Variants in KCNQ1 observed in about 807,000 individuals in gnomAD.
The protein encoded by KCNQ1 is potassium voltage-gated channel subfamily KQT member 1.
In KCNQ1, 49 loss-of-function variants were observed where a neutral mutation model predicts 72.4. That is an observed-to-expected ratio of 0.68 (90% CI 0.54 to 0.86). The LOEUF is 0.86. Among genes scored for constraint, KCNQ1 ranks in the 40% least tolerant of loss-of-function variants. The pLI is 0.00. For missense variants in KCNQ1, 790 were observed against 945.1 expected (o/e 0.84, Z 2.15); for synonymous variants, 450 against 412.6 (o/e 1.09, Z -1.10).
At chr11:2,771,556 T>G (rs1357098633) in intron 12 of KCNQ1, 2 of 152,258 alleles carry the variant, frequency 1.3e-5, no homozygotes, top group Admixed American at 1.3e-4. Context: ...TGAGGAAGGC[T>G]GGCATCTTTC....
intron 1 of KCNQ1, among the ~76,000 whole-genome samples, chr11:2,521,945 G>A (rs1205032459): frequency 1.3e-5 from 2 of 152,234 alleles, no homozygotes; most frequent in East Asian, 1.9e-4. Context: ...CTGAGCCGTG[G>A]AGCCCACCCA....
Position 2,661,086 on chromosome 11 carries a change from C to T in KCNQ1, c.1394-875C>T, listed in dbSNP as rs2133854741. 1 of 398,272 alleles carries T rather than the reference C, an allele frequency of 2.5e-6. No homozygotes were observed. Among genetic ancestry groups the T allele is most frequent in the East Asian group, 3.6e-5 (1 of 28,076 alleles). The allele number at this position is 398,272 out of a possible 1,614,324, so 24.7% of individuals were successfully genotyped here. A position where few individuals can be genotyped will look rare whatever the true frequency, so the allele number is the denominator to read the frequency against. Reference sequence around the variant, plus strand: ...CAGAGTCACAGTGACATCCCATGTGCATAAAAGCAACTCCCACCTGGCATC... The same window carrying T: ...CAGAGTCACAGTGACATCCCATGTGTATAAAAGCAACTCCCACCTGGCATC... On this transcript the variant is annotated intron_variant, in intron 10 of 15. Transcript: ENST00000155840. The surrounding 1 kb of genome is among the most constrained non-coding windows in gnomAD (Gnocchi z 5.9).
At chr11:2,529,929 G>A (rs1323331595) in intron 2 of KCNQ1, among the ~76,000 whole-genome samples, 3 of 152,186 alleles carry the variant, frequency 2.0e-5, no homozygotes, top group African/African-American at 7.2e-5. Flanking sequence ...GTGGATTCTG[G>A]TCAGGGGTCT....
rs12283619 is a variant in KCNQ1 at position 2,507,488 on chromosome 11, A to G, written c.387-20440A>G. Among the ~76,000 whole-genome samples the G allele has an allele frequency of 0.065, 9,842 of 152,244 alleles. 607 individuals are homozygous for G. The highest frequency in any genetic ancestry group is 0.17 in the African/African-American group (6,954 of 41,508). On this transcript the variant is annotated intron_variant, in intron 1 of 15. Transcript: ENST00000155840. This position sits in a 1 kb window ranked among gnomAD's most constrained non-coding sequence, Gnocchi z 5.4. Reference sequence around the variant, plus strand: ...AGAAAACAGGGTTTGCAGGTAGATAAGGTGGCGGGTGCAGCGGGAGGAAGA... The same window carrying G: ...AGAAAACAGGGTTTGCAGGTAGATAGGGTGGCGGGTGCAGCGGGAGGAAGA...
rs1023294412 is a variant in KCNQ1, at chr11:2,658,578, GCCC to G, written c.1394-3382_1394-3380del. The G allele has an allele frequency of 2.7e-5, 9 of 338,666 alleles. No homozygotes were observed. Among genetic ancestry groups the G allele is most frequent in the Admixed American group, 6.5e-5 (1 of 15,340 alleles). The allele number at this position is 338,666 out of a possible 1,614,324, so 21.0% of individuals were successfully genotyped here. ...CTAGAATCATCCATTCATCCAGAGA[GCCC>G]TGGCTCCCTGGAGAATGAATAGAAA... On this transcript the variant is annotated intron_variant, in intron 10 of 15. Coordinates refer to ENST00000155840, the MANE Select transcript of KCNQ1 (RefSeq NM_000218.3). This position sits in a 1 kb window ranked among gnomAD's most constrained non-coding sequence, Gnocchi z 4.9.
rs1846245886 is a variant in KCNQ1 at position 2,752,706 on chromosome 11, T to G, written c.1515-16138T>G. On this transcript the variant is annotated intron_variant, in intron 11 of 15. Coordinates refer to ENST00000155840, the MANE Select transcript of KCNQ1 (RefSeq NM_000218.3). The surrounding 1 kb of genome is among the most constrained non-coding windows in gnomAD (Gnocchi z 5.2). ...TCTGCCCTCACGGCCGAATCACCTC[T>G]CAAATGCGCCATCTCCTAACACCAT... 6.6e-6 allele frequency among the ~76,000 whole-genome samples: 1 copy of G among 152,100 alleles called. No homozygotes were observed. Among genetic ancestry groups the G allele is most frequent in the African/African-American group, 2.4e-5 (1 of 41,416 alleles).
Position 2,471,183 on chromosome 11 carries a change from C to T in KCNQ1, c.386+25699C>T, listed in dbSNP as rs1202408939. ...CAAGGGCTGACTCGGCTGCAATCAT[C>T]CTGCAGCCAGACTCGGGGACCTAGG... is the stretch of plus-strand genomic sequence containing the variant. On this transcript the variant is annotated intron_variant, in intron 1 of 15. Transcript: ENST00000155840. This position sits in a 1 kb window ranked among gnomAD's most constrained non-coding sequence, Gnocchi z 4.8. 6.6e-6 allele frequency among the ~76,000 whole-genome samples: 1 copy of T among 152,112 alleles called. No individual in the cohort carries two copies. The highest frequency in any genetic ancestry group is 1.5e-5 in the Non-Finnish European group (1 of 68,018).
intron 2 of KCNQ1, among the ~76,000 whole-genome samples, chr11:2,568,437 C>T (rs907803227): frequency 6.6e-6 from 1 of 152,192 alleles, no homozygotes; most frequent in African/African-American, 2.4e-5. Flanking sequence ...GCCTCTGTGC[C>T]GTCATGGGCA....
chr11:2,662,889 T>C (rs935505821), intron 11 of KCNQ1: 45 of 398,758 alleles, frequency 1.1e-4, no homozygotes, highest in Admixed American at 1.8e-4. Flanking sequence ...TGTTTTGTTC[T>C]TTGGACTCTC....
rs756041148 is a variant in KCNQ1 at position 2,704,860 on chromosome 11, G to A, written c.1514+42779G>A. Among the ~76,000 whole-genome samples the A allele has an allele frequency of 2.1e-4, 32 of 152,186 alleles. No homozygotes were observed. Among genetic ancestry groups the A allele is most frequent in the Non-Finnish European group, 4.1e-4 (28 of 68,034 alleles). On this transcript the variant is annotated intron_variant, in intron 11 of 15. Coordinates refer to ENST00000155840, the MANE Select transcript of KCNQ1 (RefSeq NM_000218.3). The surrounding 1 kb of genome is among the most constrained non-coding windows in gnomAD (Gnocchi z 4.3). ...TGTATGACCACGAGCGAGCCCAAGG[G>A]AAGGACGGGTTTGGAGGGTTTCTGA...
chr11:2,678,711 T>TA lies in KCNQ1; in HGVS notation c.1514+16633dup. ...CTAAGATCTAAACACTCTTAAGATT[T>TA]AAACACAGGATTAGCTCTTGAGTTA... On this transcript the variant is annotated intron_variant, in intron 11 of 15. Coordinates refer to ENST00000155840, the MANE Select transcript of KCNQ1 (RefSeq NM_000218.3). This position sits in a 1 kb window ranked among gnomAD's most constrained non-coding sequence, Gnocchi z 4.9. 1 of 398,646 alleles carries TA rather than the reference T, an allele frequency of 2.5e-6. No homozygotes were observed. 24.7% of individuals were successfully genotyped at this position (398,646 alleles called of 1,614,324 possible). A position where few individuals can be genotyped will look rare whatever the true frequency, so the allele number is the denominator to read the frequency against.
intron 1 of KCNQ1, among the ~76,000 whole-genome samples, chr11:2,469,697 G>C (rs550892679): frequency 6.6e-6 from 1 of 151,432 alleles, no homozygotes; most frequent in Non-Finnish European, 1.5e-5. Context: ...TTTTTGAGAC[G>C]GAGTCTCGCT....
chr11:2,815,593 G>A lies in KCNQ1; in HGVS notation c.1795-32174G>A, dbSNP rs962748190. Among the ~76,000 whole-genome samples, 1 of 152,172 alleles carries A rather than the reference G, an allele frequency of 6.6e-6. No homozygotes were observed. The highest frequency in any genetic ancestry group is 2.4e-5 in the African/African-American group (1 of 41,452). ...TGTTGTAGTTGCCAAGCCCAAGAAA[G>A]ATGAGGCACCCAGGATGCCTGACAG... On this transcript the variant is annotated intron_variant, in intron 15 of 15. Coordinates refer to ENST00000155840, the MANE Select transcript of KCNQ1 (RefSeq NM_000218.3). The surrounding 1 kb of genome is among the most constrained non-coding windows in gnomAD (Gnocchi z 5.4).
chr11:2,683,456 A>G lies in KCNQ1; in HGVS notation c.1514+21375A>G, dbSNP rs1850431825. 2.5e-6 allele frequency: 1 copy of G among 398,676 alleles called. No individual in the cohort carries two copies. Among genetic ancestry groups the G allele is most frequent in the Admixed American group, 4.4e-5 (1 of 22,748 alleles). 24.7% of individuals were successfully genotyped at this position (398,676 alleles called of 1,614,324 possible). On this transcript the variant is annotated intron_variant, in intron 11 of 15. Coordinates refer to ENST00000155840, the MANE Select transcript of KCNQ1 (RefSeq NM_000218.3). This position sits in a 1 kb window ranked among gnomAD's most constrained non-coding sequence, Gnocchi z 4.7. ...AACTGGAAAAATGTAGGAATTACAT[A>G]TGATTCCATCAATGACAGTTTTCCT...
intron 10 of KCNQ1, chr11:2,618,430 G>T: frequency 2.5e-6 from 1 of 398,482 alleles, no homozygotes; most frequent in Non-Finnish European, 4.4e-6. Context: ...CACAGAACTG[G>T]GTTTCCTAAC....
chr11:2,721,912 T>C (rs889613225), intron 11 of KCNQ1, among the ~76,000 whole-genome samples: 4 of 152,212 alleles, frequency 2.6e-5, no homozygotes, highest in Non-Finnish European at 5.9e-5. Flanking sequence ...GGACTTCTCA[T>C]TGGGACTTCC....
At chr11:2,747,175 C>T (rs921924032) in intron 11 of KCNQ1, among the ~76,000 whole-genome samples, 23 of 152,226 alleles carry the variant, frequency 1.5e-4, no homozygotes, top group Non-Finnish European at 2.6e-4. Context: ...ATTAACAGAG[C>T]CTTAAACTGT....
chr11:2,657,621 C>G lies in KCNQ1; in HGVS notation c.1394-4340C>G, dbSNP rs1051371842. 2 of 398,474 alleles carry G rather than the reference C, an allele frequency of 5.0e-6. No homozygotes were observed. The highest frequency in any genetic ancestry group is 4.1e-5 in the African/African-American group (2 of 48,636). 24.7% of individuals were successfully genotyped at this position (398,474 alleles called of 1,614,324 possible). A position where few individuals can be genotyped will look rare whatever the true frequency, so the allele number is the denominator to read the frequency against. The stretch of plus-strand genomic sequence containing the variant: ...AAACTAAAAAATTAACATTGGTACA[C>G]TATTAAGCTAGAGTTATAAATTTAT... On this transcript the variant is annotated intron_variant, in intron 10 of 15. Transcript: ENST00000155840. This position sits in a 1 kb window ranked among gnomAD's most constrained non-coding sequence, Gnocchi z 4.8.
rs549033114 is a variant in KCNQ1 at position 2,547,964 on chromosome 11, CAG to C, written c.477+19947_477+19948del. Among the ~76,000 whole-genome samples the C allele has an allele frequency of 8.0e-4, 122 of 152,270 alleles. 1 individual carries two copies. Among genetic ancestry groups the C allele is most frequent in the African/African-American group, 2.3e-3 (96 of 41,566 alleles). On this transcript the variant is annotated intron_variant, in intron 2 of 15. Transcript: ENST00000155840. The surrounding 1 kb of genome is among the most constrained non-coding windows in gnomAD (Gnocchi z 4.2). ...GTGAGGAGCCTGTAGCATTCAGAGA[CAG>C]GGGAGCAGGGAGCGGTGGGGGATGA...
Sources: allele counts gnomAD v4.1 joint callset (sites outside exome capture counted in the v4.1 genomes callset), GRCh38; gene constraint gnomAD v4.1.1; non-coding constraint Gnocchi (gnomAD v3.1); transcripts MANE v1.5; gene names NCBI Gene and HGNC (gene_info 2026-07-23, HGNC 2026-07-21).